Variants in ST7 observed in about 807,000 individuals in gnomAD.
The protein encoded by ST7 is suppressor of tumorigenicity 7 protein.
A neutral mutation model predicts 78.7 loss-of-function variants in ST7; 28 were observed. The ratio of observed to expected loss-of-function variants is 0.36; its 90% CI spans 0.26 to 0.49. The LOEUF (loss-of-function observed/expected upper bound fraction) is 0.49. ST7 is among the 20% of genes least tolerant of loss of function. ST7 has a pLI of 0.99. For synonymous variants in ST7, 247 were observed against 249.6 expected (o/e 0.99, Z 0.10); for missense variants, 418 against 696.0 (o/e 0.60, Z 4.49).
chr7:117,195,154 TA>T (rs3840661), intron 12 of ST7, among the ~76,000 whole-genome samples: 19,869 of 151,514 alleles, frequency 0.13, 4,183 homozygotes, highest in African/African-American at 0.45. Flanking sequence ...TTTTACTATT[TA>T]AAAAAAAATT....
chr7:117,221,341 A>C (rs1434251641), intron 14 of ST7, among the ~76,000 whole-genome samples: 2 of 152,128 alleles, frequency 1.3e-5, no homozygotes, highest in African/African-American at 4.8e-5. Context: ...CCCTCCTTGC[A>C]GTTTGAATAG....
intron 1 of ST7, among the ~76,000 whole-genome samples, chr7:117,035,687 T>C (rs1272055218): frequency 6.6e-6 from 1 of 152,208 alleles, no homozygotes; most frequent in Non-Finnish European, 1.5e-5. Context: ...TTGGTTTTCA[T>C]GAATATTTTT....
chr7:117,124,369 A>G (rs867432758), intron 3 of ST7, among the ~76,000 whole-genome samples: 8 of 152,140 alleles, frequency 5.3e-5, no homozygotes, highest in Admixed American at 3.9e-4. Context: ...GAGCTGAGGT[A>G]TAGCAAGGTG....
chr7:117,064,428 C>G (rs142723494), intron 1 of ST7, among the ~76,000 whole-genome samples: 227 of 152,242 alleles, frequency 1.5e-3, no homozygotes, highest in African/African-American at 4.8e-3. Flanking sequence ...GTTTAATTAA[C>G]TTGAGAAAAG....
intron 1 of ST7, among the ~76,000 whole-genome samples, chr7:117,032,405 T>G (rs1796649709): frequency 6.6e-6 from 1 of 152,060 alleles, no homozygotes; most frequent in Admixed American, 6.6e-5. Flanking sequence ...TATGAGTTTT[T>G]ATATTCAAAA....
At chr7:117,096,988 A>G (rs951758755) in intron 1 of ST7, among the ~76,000 whole-genome samples, 4 of 152,134 alleles carry the variant, frequency 2.6e-5, no homozygotes, top group Admixed American at 6.5e-5. Flanking sequence ...TATTATTGAT[A>G]TATAATCTTA....
At chr7:116,994,157 C>T (rs1356898466) in intron 1 of ST7, among the ~76,000 whole-genome samples, 1 of 152,184 alleles carries the variant, frequency 6.6e-6, no homozygotes, top group Non-Finnish European at 1.5e-5. Flanking sequence ...CCACCAACTC[C>T]TCCTTCCACC....
chr7:117,214,910 TTGTGTGTGTGTG>T (rs147915016), intron 13 of ST7, among the ~76,000 whole-genome samples: 222 of 143,256 alleles, frequency 1.5e-3, no homozygotes, highest in African/African-American at 3.9e-3. Context: ...GGAAGAACAT[TTGTGTGTGTGTG>T]TGTGTGTGTG....
At chr7:117,062,046 T>C (rs1289823754) in intron 1 of ST7, among the ~76,000 whole-genome samples, 1 of 152,134 alleles carries the variant, frequency 6.6e-6, no homozygotes, top group Non-Finnish European at 1.5e-5. Flanking sequence ...GGTTCCCTGG[T>C]ACAAGGTCTT....
At chr7:117,169,953 A>G (rs149197918) in intron 9 of ST7, among the ~76,000 whole-genome samples, 11 of 152,224 alleles carry the variant, frequency 7.2e-5, no homozygotes, top group South Asian at 6.2e-4. Context: ...CACCAGGCAG[A>G]AACTCATAAA....
chr7:117,111,271 G>A (rs1431735175), intron 2 of ST7, among the ~76,000 whole-genome samples: 1 of 152,142 alleles, frequency 6.6e-6, no homozygotes, highest in African/African-American at 2.4e-5. Context: ...CTGGCCCCAG[G>A]GAGATAATTA....
intron 1 of ST7, chr7:116,955,024 A>G (rs1358159611): frequency 1.4e-5 from 6 of 439,892 alleles, no homozygotes; most frequent in South Asian, 1.7e-5. Context: ...AGCACTCTAG[A>G]ATTGTCTCAC....
intron 1 of ST7, among the ~76,000 whole-genome samples, chr7:117,096,550 T>C (rs1447254839): frequency 6.6e-6 from 1 of 152,242 alleles, no homozygotes; most frequent in African/African-American, 2.4e-5. Flanking sequence ...GTGTCCCCTG[T>C]GATGCTAAAA....
At position 117,167,173 on chromosome 7, in the gene ST7, A is replaced by G. The variant is rs559150895; in HGVS notation, c.964-3689A>G. Among the ~76,000 whole-genome samples the G allele has an allele frequency of 3.4e-4, 51 of 150,348 alleles. 1 individual carries two copies. In the South Asian group the frequency reaches 0.011, roughly 32 times the overall value. ...GCCATGCTGGTGTGCTGCACCCACT[A>G]ACTCGTCATCTAGCATTAGGTATAT... On this transcript the variant is annotated intron_variant, in intron 9 of 15. Transcript: ENST00000323984.
At chr7:116,964,677 T>C (rs1457455276) in intron 1 of ST7, among the ~76,000 whole-genome samples, 1 of 152,258 alleles carries the variant, frequency 6.6e-6, no homozygotes, top group East Asian at 1.9e-4. Flanking sequence ...TGCAGAAATA[T>C]AATGTTTGGC....
chr7:117,141,190 C>A (rs6966671), intron 9 of ST7, among the ~76,000 whole-genome samples: 7,330 of 152,212 alleles, frequency 0.048, 593 homozygotes, highest in African/African-American at 0.17. Flanking sequence ...AAGACACAGC[C>A]ATCTTCTCCC....
At chr7:117,139,367 A>G (rs936645038) in intron 9 of ST7, among the ~76,000 whole-genome samples, 8 of 152,222 alleles carry the variant, frequency 5.3e-5, no homozygotes, top group Admixed American at 3.9e-4. Context: ...TATTATAAAA[A>G]TGAAAGAACC....
intron 1 of ST7, among the ~76,000 whole-genome samples, chr7:117,010,872 C>T (rs899368659): frequency 6.6e-6 from 1 of 152,056 alleles, no homozygotes; most frequent in African/African-American, 2.4e-5. Context: ...GGTAGAGGAC[C>T]GTGGACTCGC....
intron 15 of ST7, among the ~76,000 whole-genome samples, chr7:117,225,060 G>C (rs1793352990): frequency 6.6e-6 from 1 of 152,210 alleles, no homozygotes; most frequent in Admixed American, 6.5e-5. Flanking sequence ...GTATTGAATA[G>C]AATGAATAAT....
Sources: gnomAD v4.1 joint callset for allele counts (sites outside exome capture counted in the v4.1 genomes callset) on GRCh38, gnomAD v4.1.1 for gene constraint, MANE v1.5 for transcripts, NCBI Gene and HGNC (gene_info 2026-07-23, HGNC 2026-07-21) for gene names.